EFCAB14: variants seen among roughly 807,000 people sequenced by gnomAD.
EFCAB14 encodes the protein EF-hand calcium binding domain 14, also known as EF-hand calcium-binding domain-containing protein 14.
Under a neutral mutation model 56.5 loss-of-function variants are expected in EFCAB14, and 43 were observed. The ratio of observed to expected loss-of-function variants is 0.76; its 90% CI spans 0.60 to 0.98. The LOEUF (loss-of-function observed/expected upper bound fraction) is 0.98. Among genes scored for constraint, EFCAB14 ranks in the 50% least tolerant of loss-of-function variants. The probability of loss-of-function intolerance (pLI) is 0.00; values close to 1 mark genes in which losing one functional copy is unlikely to be tolerated. For synonymous variants in EFCAB14, 235 were observed against 212.9 expected (o/e 1.10, Z -0.90); for missense variants, 538 against 580.3 (o/e 0.93, Z 0.75).
At chr1:46,679,630 T>TTTTTTTTTG (rs1676758949) in intron 10 of EFCAB14, among the ~76,000 whole-genome samples, 1 of 104,216 alleles carries the variant, frequency 9.6e-6, no homozygotes, top group African/African-American at 4.5e-5. Context: ...TTTTTTTTTT[T>TTTTTTTTTG]GGTGGAGTCT....
intron 2 of EFCAB14, among the ~76,000 whole-genome samples, chr1:46,715,669 A>G (rs1198479422): frequency 6.6e-6 from 1 of 151,956 alleles, no homozygotes; most frequent in African/African-American, 2.4e-5. Flanking sequence ...ACCAAGTTCT[A>G]GACTCCTACC....
chr1:46,682,635 T>C (rs1170679346), intron 10 of EFCAB14, among the ~76,000 whole-genome samples: 1 of 152,228 alleles, frequency 6.6e-6, no homozygotes, highest in Non-Finnish European at 1.5e-5. Flanking sequence ...TCTTATACTG[T>C]ATTCTTATTG....
At chr1:46,700,096 G>C (rs1221672908) in intron 3 of EFCAB14, among the ~76,000 whole-genome samples, 1 of 152,184 alleles carries the variant, frequency 6.6e-6, no homozygotes, top group Non-Finnish European at 1.5e-5. Context: ...ATCTTGGCCA[G>C]AACCAGTCTG....
In EFCAB14 at chr1:46,701,298, C is replaced by A. The variant is rs369191856; in HGVS notation, c.481-4649G>T. Among the ~76,000 whole-genome samples, 5 of 152,230 alleles carry A rather than the reference C, an allele frequency of 3.3e-5. No individual in the cohort carries two copies. The East Asian group carries it at 5.8e-4, about 18-fold the overall frequency. On this transcript the variant is annotated intron_variant, in intron 3 of 10. Transcript: ENST00000371933. The stretch of plus-strand genomic sequence containing the variant: ...CATAAAATGCTAGGAAGGGTTCCTG[C>A]CCCAGGTATGTTTTCCTTAGTGCCC...
intron 2 of EFCAB14, among the ~76,000 whole-genome samples, chr1:46,714,498 A>G (rs1437026029): frequency 6.6e-6 from 1 of 152,108 alleles, no homozygotes; most frequent in Non-Finnish European, 1.5e-5. Flanking sequence ...ACCTTTTGGA[A>G]AAAGTAATTT....
chr1:46,689,659 G>C lies in EFCAB14; in HGVS notation c.723C>G (p.Ser241Arg). 6.2e-7 allele frequency: 1 copy of C among 1,613,878 alleles called. No homozygotes were observed. The highest frequency in any genetic ancestry group is 8.5e-7 in the Non-Finnish European group (1 of 1,179,792). Reference protein sequence around the residue: ...NQHFLKETPGSNQIIPSPSAT... With the variant: ...NQHFLKETPGRNQIIPSPSAT... ...CTGAAGGTGACGGAATGATCTGGTTGCTTCCAGGAGTCTCCTTCAAGAAGT... is the reference window on the plus strand; with the variant it reads ...CTGAAGGTGACGGAATGATCTGGTTCCTTCCAGGAGTCTCCTTCAAGAAGT... Residue 241 changes from serine (S) to arginine (R), a missense_variant, in exon 6 of 11, where the codon AGC becomes AGG. Transcript: ENST00000371933.
chr1:46,718,380 G>A lies in EFCAB14; in HGVS notation c.-293C>T, dbSNP rs1371165964. 3.7e-6 allele frequency: 1 copy of A among 267,714 alleles called. No homozygotes were observed. Among genetic ancestry groups the A allele is most frequent in the Non-Finnish European group, 7.1e-6 (1 of 141,144 alleles). The allele number at this position is 267,714 out of a possible 1,614,324, so 16.6% of individuals were successfully genotyped here. ...CAGAGTGTTAGTAGAGGGTGGAGAG[G>A]GACCTTTATCTCCCAAAGGGCGAAA... is the stretch of plus-strand genomic sequence containing the variant. On this transcript the variant is annotated 5_prime_UTR_variant, in exon 1 of 11. Transcript: ENST00000371933.
chr1:46,701,397 T>C (rs571817148), intron 3 of EFCAB14, among the ~76,000 whole-genome samples: 1 of 152,308 alleles, frequency 6.6e-6, no homozygotes, highest in East Asian at 1.9e-4. Context: ...CTCTTATCAA[T>C]TATGTAGTTA....
intron 3 of EFCAB14, among the ~76,000 whole-genome samples, chr1:46,704,876 C>CT (rs1016888355): frequency 1.7e-3 from 220 of 131,008 alleles, no homozygotes; most frequent in Middle Eastern, 4.0e-3. Flanking sequence ...TTGATTTTAA[C>CT]TTTTTTTTTT....
chr1:46,698,040 T>C (rs1265065228), intron 3 of EFCAB14, among the ~76,000 whole-genome samples: 2 of 151,964 alleles, frequency 1.3e-5, no homozygotes, highest in Non-Finnish European at 2.9e-5. Context: ...TTAGTAAAGA[T>C]AGGGGTTTCG....
Position 46,683,333 on chromosome 1 carries a change from G to A in EFCAB14, c.1279C>T (p.Pro427Ser), listed in dbSNP as rs1459624548. 6.2e-7 allele frequency: 1 copy of A among 1,613,950 alleles called. No homozygotes were observed. The highest frequency in any genetic ancestry group is 8.5e-7 in the Non-Finnish European group (1 of 1,179,982). Residue 427 changes from proline (P) to serine (S), a missense_variant, in exon 10 of 11, where the codon CCT becomes TCT. Transcript: ENST00000371933. The part of the protein sequence containing the change: ...DPVEKAAQLR[P>S]ISLPGVSSTE... ...CTAGAAACTCCTGGTAGGGAGATAGGTCTTAGTTGGGCAGCTTTCTCAACT... is the reference window on the plus strand; with the variant it reads ...CTAGAAACTCCTGGTAGGGAGATAGATCTTAGTTGGGCAGCTTTCTCAACT...
intron 9 of EFCAB14, 69 bp from the exon 10 acceptor site, chr1:46,683,494 G>C (rs925687987): frequency 1.3e-6 from 2 of 1,509,048 alleles, no homozygotes; most frequent in African/African-American, 2.8e-5. Flanking sequence ...AGTATCGAAG[G>C]TCACCTTTTA....
At chr1:46,716,529 A>G (rs900417885) in intron 1 of EFCAB14, 86 bp from the exon 2 acceptor site, 2 of 1,478,930 alleles carry the variant, frequency 1.4e-6, no homozygotes, top group African/African-American at 2.8e-5. Flanking sequence ...TTGCCATGCA[A>G]TTATCTCCTT....
Position 46,678,430 on chromosome 1 carries a change from G to A in EFCAB14, c.*31C>T. The A allele has an allele frequency of 6.2e-7, 1 of 1,611,488 alleles. No individual in the cohort carries two copies. Among genetic ancestry groups the A allele is most frequent in the Non-Finnish European group, 8.5e-7 (1 of 1,178,710 alleles). ...TTGTTGTTAGGTAAATAGATATTAG[G>A]CAGTCCATTTCTAAAATATGCCTGA... is the stretch of plus-strand genomic sequence containing the variant. On this transcript the variant is annotated 3_prime_UTR_variant, in exon 11 of 11. Coordinates refer to ENST00000371933, the MANE Select transcript of EFCAB14 (RefSeq NM_014774.3).
At chr1:46,692,475 A>G (rs1443178511) in intron 4 of EFCAB14, among the ~76,000 whole-genome samples, 1 of 152,240 alleles carries the variant, frequency 6.6e-6, no homozygotes, top group Non-Finnish European at 1.5e-5. Flanking sequence ...TCTAATCGCC[A>G]TAATACCTAG....
chr1:46,676,796 T>C lies in EFCAB14; in HGVS notation c.*1665A>G, dbSNP rs1224968881. The C allele has an allele frequency of 6.6e-6, 1 of 152,608 alleles. No homozygotes were observed. Among genetic ancestry groups the C allele is most frequent in the Non-Finnish European group, 1.5e-5 (1 of 68,040 alleles). The allele number at this position is 152,608 out of a possible 1,614,324, so 9.5% of individuals were successfully genotyped here. On this transcript the variant is annotated 3_prime_UTR_variant, in exon 11 of 11. Coordinates refer to ENST00000371933, the MANE Select transcript of EFCAB14 (RefSeq NM_014774.3). ...CACATTCATGGGAAAAGACTTCATCTTGCTTTAACTAAATTTTAATACTTC... is the reference window on the plus strand; with the variant it reads ...CACATTCATGGGAAAAGACTTCATCCTGCTTTAACTAAATTTTAATACTTC...
chr1:46,707,927 G>T lies in EFCAB14; in HGVS notation c.459C>A (p.Asn153Lys). The T allele has an allele frequency of 6.2e-7, 1 of 1,610,392 alleles. No individual in the cohort carries two copies. The highest frequency in any genetic ancestry group is 8.5e-7 in the Non-Finnish European group (1 of 1,179,430). ...GTACCTGCTTATTCATTTCTGTGAT[G>T]TTTATCCAGACTTTGTTCAAACCCA... The part of the protein sequence containing the change: ...GEMGLNKVWI[N>K]ITEMNKQISL... The change falls in exon 3 of 11, where the codon AAC becomes AAA. Residue 153 changes from asparagine (N) to lysine (K), a missense_variant. Asn to Lys is a moderately conservative substitution (Grantham distance 94, BLOSUM62 0). Transcript: ENST00000371933.
rs555425148 is a variant in EFCAB14 at position 46,684,233 on chromosome 1, T to A, written c.1186+258A>T. 29 of 429,884 alleles carry A rather than the reference T, an allele frequency of 6.7e-5. No homozygotes were observed. In the Middle Eastern group the frequency reaches 1.9e-3, roughly 27 times the overall value. The allele number at this position is 429,884 out of a possible 1,614,324, so 26.6% of individuals were successfully genotyped here. A position where few individuals can be genotyped will look rare whatever the true frequency, so the allele number is the denominator to read the frequency against. ...TCTATGACAGTAACATTTTTGCCTATAATTGGATGCAGACAGCATGGAGAA... is the reference window on the plus strand; with the variant it reads ...TCTATGACAGTAACATTTTTGCCTAAAATTGGATGCAGACAGCATGGAGAA... On this transcript the variant is annotated intron_variant, in intron 9 of 10. Coordinates refer to ENST00000371933, the MANE Select transcript of EFCAB14 (RefSeq NM_014774.3).
chr1:46,695,758 T>C (rs530762726), intron 4 of EFCAB14, among the ~76,000 whole-genome samples: 2 of 152,274 alleles, frequency 1.3e-5, no homozygotes, highest in East Asian at 3.9e-4. Context: ...CAGCTCACTG[T>C]AGCCTCAACC....
Sources: gnomAD v4.1 joint callset for allele counts (sites outside exome capture counted in the v4.1 genomes callset) on GRCh38, gnomAD v4.1.1 for gene constraint, MANE v1.5 for transcripts, NCBI Gene and HGNC (gene_info 2026-07-23, HGNC 2026-07-21) for gene names.